The following SCMH1 variants were observed in gnomAD, a reference collection of about 807,000 sequenced individuals.
SCMH1 encodes Scm polycomb group protein homolog 1.
In SCMH1, 37 loss-of-function variants were observed where a neutral mutation model predicts 70.8. That is an observed-to-expected ratio of 0.52 (90% confidence interval 0.40 to 0.69). The LOEUF is 0.69. SCMH1 is among the 30% of genes least tolerant of loss of function. The pLI is 0.00. For synonymous variants in SCMH1, 292 were observed against 307.4 expected (o/e 0.95, Z 0.52); for missense variants, 607 against 827.3 (o/e 0.73, Z 3.27).
intron 10 of SCMH1, among the ~76,000 whole-genome samples, chr1:41,060,573 C>T (rs1033417713): frequency 9.9e-5 from 15 of 151,634 alleles, no homozygotes; most frequent in African/African-American, 2.7e-4. Flanking sequence ...TCAGAAACTT[C>T]GATCTATATA....
At chr1:41,208,449 A>T (rs1240315938) in intron 1 of SCMH1, among the ~76,000 whole-genome samples, 1 of 108,490 alleles carries the variant, frequency 9.2e-6, no homozygotes, top group African/African-American at 2.7e-5. Context: ...AAAAAAAAAT[A>T]AAAAATAAAA....
intron 8 of SCMH1, among the ~76,000 whole-genome samples, chr1:41,100,097 G>A (rs1431776285): frequency 6.6e-6 from 1 of 152,088 alleles, no homozygotes; most frequent in Non-Finnish European, 1.5e-5. Context: ...TCAGCTCTAA[G>A]GTAGGCTTCT....
intron 13 of SCMH1, among the ~76,000 whole-genome samples, chr1:41,029,756 C>T (rs532424003): frequency 6.6e-6 from 1 of 152,268 alleles, no homozygotes; most frequent in South Asian, 2.1e-4. Flanking sequence ...GTCTCGGCTT[C>T]AAGGATCAGT....
intron 2 of SCMH1, among the ~76,000 whole-genome samples, chr1:41,181,268 C>T (rs769003842): frequency 2.0e-5 from 3 of 152,116 alleles, no homozygotes; most frequent in Non-Finnish European, 4.4e-5. Context: ...TAGGCAATAC[C>T]ATTCGGGACA....
intron 2 of SCMH1, among the ~76,000 whole-genome samples, chr1:41,175,189 T>C (rs571848120): frequency 1.1e-4 from 16 of 152,352 alleles, no homozygotes; most frequent in African/African-American, 3.8e-4. Context: ...CTCACCAATG[T>C]GTGTGGGCAT....
chr1:41,234,616 A>G (rs1553188504), intron 1 of SCMH1, among the ~76,000 whole-genome samples: 4 of 151,590 alleles, frequency 2.6e-5, no homozygotes, highest in Non-Finnish European at 2.9e-5. Context: ...CTGGGACTAC[A>G]GGCACCCGCC....
intron 13 of SCMH1, among the ~76,000 whole-genome samples, chr1:41,035,835 A>C (rs1571232392): frequency 6.7e-6 from 1 of 149,724 alleles, no homozygotes; most frequent in Admixed American, 6.7e-5. Context: ...ATCTGCCTTC[A>C]CCCCTCCACC....
intron 10 of SCMH1, among the ~76,000 whole-genome samples, chr1:41,064,157 C>T (rs974999944): frequency 2.0e-5 from 3 of 152,054 alleles, no homozygotes; most frequent in African/African-American, 7.2e-5. Context: ...ATAATCATAT[C>T]GATAGATGCA....
chr1:41,096,455 T>C (rs1665095759), intron 8 of SCMH1, among the ~76,000 whole-genome samples: 1 of 152,196 alleles, frequency 6.6e-6, no homozygotes, highest in African/African-American at 2.4e-5. Flanking sequence ...ATTGTCAAGA[T>C]TACATGAAAT....
intron 4 of SCMH1, among the ~76,000 whole-genome samples, chr1:41,157,898 T>C (rs1645686574): frequency 6.6e-6 from 1 of 152,236 alleles, no homozygotes; most frequent in African/African-American, 2.4e-5. Flanking sequence ...CTTATATTCA[T>C]TTTTAAAATC....
intron 10 of SCMH1, among the ~76,000 whole-genome samples, chr1:41,052,725 C>T (rs1648665433): frequency 6.6e-6 from 1 of 152,024 alleles, no homozygotes; most frequent in Non-Finnish European, 1.5e-5. Flanking sequence ...CAAAAGAGTA[C>T]ATATAGTATG....
intron 6 of SCMH1, among the ~76,000 whole-genome samples, chr1:41,120,838 C>T (rs990153447): frequency 1.3e-5 from 2 of 152,172 alleles, no homozygotes; most frequent in Admixed American, 1.3e-4. Context: ...AACCCCAGGA[C>T]TTCTTATTTG....
At chr1:41,157,483 T>C (rs1295289218) in intron 4 of SCMH1, among the ~76,000 whole-genome samples, 1 of 152,214 alleles carries the variant, frequency 6.6e-6, no homozygotes, top group Non-Finnish European at 1.5e-5. Context: ...CTAGAGAAAG[T>C]GTTCTTTTCA....
Position 41,061,127 on chromosome 1 carries a change from T to C in SCMH1, c.1105+9468A>G, listed in dbSNP as rs894856703. On this transcript the variant is annotated intron_variant, in intron 10 of 14. Coordinates refer to ENST00000337495, the Ensembl canonical transcript of SCMH1. Reference sequence around the variant, plus strand: ...AAACTGCCCTTAATCATTCCTGGGCTTGGGACAAGCTAACTTTGGGAGACA... The same window carrying C: ...AAACTGCCCTTAATCATTCCTGGGCCTGGGACAAGCTAACTTTGGGAGACA... 3.9e-5 allele frequency among the ~76,000 whole-genome samples: 6 copies of C among 152,326 alleles called. No homozygotes were observed. In the South Asian group the frequency reaches 1.2e-3, roughly 32 times the overall value.
chr1:41,111,720 C>G (rs1451907195), intron 8 of SCMH1, among the ~76,000 whole-genome samples: 1 of 152,172 alleles, frequency 6.6e-6, no homozygotes, highest in Non-Finnish European at 1.5e-5. Context: ...AGCAAACTCA[C>G]TCATGTCTCA....
intron 8 of SCMH1, among the ~76,000 whole-genome samples, chr1:41,104,115 C>G (rs901988439): frequency 6.6e-6 from 1 of 152,194 alleles, no homozygotes; most frequent in Non-Finnish European, 1.5e-5. Context: ...AACTAACGCA[C>G]AGTGGGCATC....
intron 5 of SCMH1, among the ~76,000 whole-genome samples, chr1:41,143,700 G>C (rs1241970435): frequency 2.0e-5 from 3 of 152,080 alleles, no homozygotes; most frequent in Non-Finnish European, 4.4e-5. Context: ...AATGAACATG[G>C]CCATTATCCT....
At chr1:41,207,351 C>T (rs185415023) in intron 1 of SCMH1, among the ~76,000 whole-genome samples, 6 of 151,968 alleles carry the variant, frequency 3.9e-5, no homozygotes, top group Admixed American at 1.3e-4. Context: ...GAAGATCTAC[C>T]AAGCAAATGG....
chr1:41,161,169 C>G (rs1299207246), intron 3 of SCMH1, among the ~76,000 whole-genome samples, 195 bp downstream of exon 3: 1 of 152,234 alleles, frequency 6.6e-6, no homozygotes, highest in Non-Finnish European at 1.5e-5. Flanking sequence ...ATTACCTATA[C>G]TCAGAATCTA....
Sources: allele counts gnomAD v4.1 joint callset (sites outside exome capture counted in the v4.1 genomes callset), GRCh38; gene constraint gnomAD v4.1.1; transcripts MANE v1.5; gene names NCBI Gene and HGNC (gene_info 2026-07-23, HGNC 2026-07-21).